The following LINGO2 variants were observed in gnomAD, a reference collection of about 807,000 sequenced individuals.
The protein encoded by LINGO2 is leucine rich repeat and Ig domain containing 2.
Under a neutral mutation model 30.6 loss-of-function variants are expected in LINGO2, and 14 were observed. The observed-to-expected ratio is 0.46, with a 90% confidence interval of 0.30 to 0.72. The LOEUF (loss-of-function observed/expected upper bound fraction) is 0.72. Ranked by LOEUF, LINGO2 falls within the 30% of genes least tolerant of loss-of-function variation. The probability of loss-of-function intolerance (pLI) is 0.07; values close to 1 mark genes in which losing one functional copy is unlikely to be tolerated. For missense variants in LINGO2, 729 were observed against 751.7 expected (o/e 0.97, Z 0.35); for synonymous variants, 317 against 288.5 (o/e 1.10, Z -1.00).
chr9:28,886,509 TTA>T, the LINGO2 span, among the ~76,000 whole-genome samples: 12 of 152,228 alleles, frequency 7.9e-5, no homozygotes, highest in Middle Eastern at 3.4e-3. Flanking sequence ...GAAACTTTAA[TTA>T]GAGTCTTACC....
At chr9:28,061,556 C>A (rs1197142708) in intron 4 of LINGO2, among the ~76,000 whole-genome samples, 1 of 151,244 alleles carries the variant, frequency 6.6e-6, no homozygotes, top group Non-Finnish European at 1.5e-5. Flanking sequence ...ACCTTTTAAT[C>A]CATAAAAATA....
At chr9:28,462,414 T>TAAAAAAAAAAAAAAAA (rs61677547) in intron 2 of LINGO2, among the ~76,000 whole-genome samples, 1 of 89,102 alleles carries the variant, frequency 1.1e-5, no homozygotes, top group African/African-American at 4.3e-5. Flanking sequence ...ATGCTCTAGC[T>TAAAAAAAAAAAAAAAA]AAAAAAAAAA....
chr9:27,992,333 A>G (rs2119038995), intron 5 of LINGO2, among the ~76,000 whole-genome samples: 1 of 152,304 alleles, frequency 6.6e-6, no homozygotes, highest in East Asian at 1.9e-4. Context: ...AGCCATAGAT[A>G]CAATGACTAC....
intron 4 of LINGO2, among the ~76,000 whole-genome samples, chr9:28,258,512 C>T (rs1401338419): frequency 6.6e-6 from 1 of 151,748 alleles, no homozygotes; most frequent in Non-Finnish European, 1.5e-5. Context: ...ACACACACAC[C>T]CCACAAGATT....
chr9:28,235,883 T>C (rs749233992), intron 4 of LINGO2, among the ~76,000 whole-genome samples: 4 of 151,878 alleles, frequency 2.6e-5, no homozygotes, highest in Non-Finnish European at 5.9e-5. Flanking sequence ...AAGGAGGAGA[T>C]AGAGAAAGAG....
the LINGO2 span, among the ~76,000 whole-genome samples, chr9:28,884,998 A>T: frequency 3.6e-4 from 21 of 57,608 alleles, 2 homozygotes; most frequent in South Asian, 6.7e-4. Flanking sequence ...ATAATATATT[A>T]TATATATATA....
chr9:29,038,154 G>A, the LINGO2 span, among the ~76,000 whole-genome samples: 10 of 151,952 alleles, frequency 6.6e-5, no homozygotes, highest in Non-Finnish European at 1.0e-4. Context: ...GAATTGCTAG[G>A]TTATAGTACA....
chr9:28,482,110 A>C (rs1825996173), intron 1 of LINGO2, among the ~76,000 whole-genome samples: 1 of 152,102 alleles, frequency 6.6e-6, no homozygotes, highest in African/African-American at 2.4e-5. Context: ...TTATAGCAGC[A>C]TGATTTATAG....
chr9:28,390,410 T>C (rs1043943558), intron 2 of LINGO2, among the ~76,000 whole-genome samples: 2 of 152,212 alleles, frequency 1.3e-5, no homozygotes, highest in African/African-American at 4.8e-5. Context: ...ATTATCTAGT[T>C]ATATCACTTT....
chr9:28,689,427 A>G, the LINGO2 span, among the ~76,000 whole-genome samples: 1 of 152,142 alleles, frequency 6.6e-6, no homozygotes, highest in Non-Finnish European at 1.5e-5. Flanking sequence ...AAAAGAAGAT[A>G]TACATGCTGC....
chr9:28,885,912 A>G, the LINGO2 span, among the ~76,000 whole-genome samples: 1 of 152,116 alleles, frequency 6.6e-6, no homozygotes, highest in Non-Finnish European at 1.5e-5. Context: ...ACTTTCACTA[A>G]GGTTCCTAGA....
At chr9:27,951,403 A>T (rs1201010524) in intron 5 of LINGO2, among the ~76,000 whole-genome samples, 2 of 152,214 alleles carry the variant, frequency 1.3e-5, no homozygotes, top group African/African-American at 4.8e-5. Context: ...CATAGGAATG[A>T]GGCAGAATCA....
chr9:28,657,486 T>C (rs548830927), intron 1 of LINGO2, among the ~76,000 whole-genome samples: 111 of 152,192 alleles, frequency 7.3e-4, no homozygotes, highest in African/African-American at 2.1e-3. Flanking sequence ...TCTTAGTAGA[T>C]TGCATGTTTC....
At chr9:28,589,598 T>C (rs1418755361) in intron 1 of LINGO2, among the ~76,000 whole-genome samples, 2 of 152,140 alleles carry the variant, frequency 1.3e-5, no homozygotes, top group African/African-American at 4.8e-5. Flanking sequence ...TTACAAGGGA[T>C]GTGAAGGTTC....
At chr9:29,207,133 A>AAT in the LINGO2 span, among the ~76,000 whole-genome samples, 58 of 151,046 alleles carry the variant, frequency 3.8e-4, no homozygotes, top group African/African-American at 1.2e-3. Flanking sequence ...ACATAGACAG[A>AAT]ATATATATAT....
Position 28,659,616 on chromosome 9 carries a change from T to C in LINGO2, c.-365+10584A>G, listed in dbSNP as rs147040533. The stretch of plus-strand genomic sequence containing the variant: ...GTGCATGCAACCACAGCCAGCAATT[T>C]TTTTGTATTTTTTGTAGATACAAGG... On this transcript the variant is annotated intron_variant, in intron 1 of 5. Coordinates refer to ENST00000379992, the Ensembl canonical transcript of LINGO2. Among the ~76,000 whole-genome samples the C allele has an allele frequency of 7.1e-3, 1,078 of 152,034 alleles. 11 individuals carry two copies. The highest frequency in any genetic ancestry group is 0.017 in the Middle Eastern group (5 of 294).
At chr9:28,823,143 A>T in the LINGO2 span, among the ~76,000 whole-genome samples, 364 of 152,300 alleles carry the variant, frequency 2.4e-3, 2 homozygotes, top group Non-Finnish European at 3.9e-3. Context: ...ATTTGGCTCT[A>T]TAAAACATGC....
At chr9:28,047,125 C>CA (rs1236797158) in intron 4 of LINGO2, among the ~76,000 whole-genome samples, 4 of 152,160 alleles carry the variant, frequency 2.6e-5, no homozygotes, top group Non-Finnish European at 4.4e-5. Flanking sequence ...AACATGTGGT[C>CA]AGTGACTCCA....
In LINGO2 at chr9:28,666,900, A is replaced by T. The variant is rs150407390; in HGVS notation, c.-365+3300T>A. On this transcript the variant is annotated intron_variant, in intron 1 of 5. Coordinates refer to ENST00000379992, the Ensembl canonical transcript of LINGO2. ...TTCATATCCTAGTAACAGAATGAAAATACAACAATTATAGCATTTTTTAAA... is the reference window on the plus strand; with the variant it reads ...TTCATATCCTAGTAACAGAATGAAATTACAACAATTATAGCATTTTTTAAA... Among the ~76,000 whole-genome samples, 677 of 152,324 alleles carry T rather than the reference A, an allele frequency of 4.4e-3. 4 individuals are homozygous for T. Among genetic ancestry groups the T allele is most frequent in the African/African-American group, 0.012 (480 of 41,570 alleles).
Sources: gnomAD v4.1 joint callset for allele counts (sites outside exome capture counted in the v4.1 genomes callset) on GRCh38, gnomAD v4.1.1 for gene constraint, MANE v1.5 for transcripts, NCBI Gene and HGNC (gene_info 2026-07-23, HGNC 2026-07-21) for gene names.